The following SERPINB11 variants were observed in gnomAD, a reference collection of about 807,000 sequenced individuals.
The protein encoded by SERPINB11 is serpin B11.
SERPINB11 carries 32 observed loss-of-function variants against 36.7 expected under a neutral mutation model. That is an observed-to-expected ratio of 0.87 (90% CI 0.66 to 1.17). SERPINB11 has a LOEUF of 1.17. Ranked by LOEUF, SERPINB11 falls within the 50% of genes most tolerant of loss-of-function variation. The pLI is 0.00. For synonymous variants in SERPINB11, 174 were observed against 168.1 expected, an observed-to-expected ratio of 1.04 and a Z score of -0.27; for missense variants, 528 against 458.4, an observed-to-expected ratio of 1.15 and a Z score of -1.39.
At chr18:63,712,490 T>C (rs1914551397) in intron 3 of SERPINB11, 75 bp from the exon 4 acceptor site, 7 of 1,516,070 alleles carry the variant, frequency 4.6e-6, no homozygotes, top group African/African-American at 1.4e-5. Flanking sequence ...CACCTTGCTC[T>C]CTAGATAGTT....
rs2144554894 is a variant in SERPINB11 at position 63,723,543 on chromosome 18, C to A, written c.*144C>A. The A allele has an allele frequency of 1.5e-6, 1 of 684,748 alleles. No homozygotes were observed. The highest frequency in any genetic ancestry group is 2.6e-5 in the East Asian group (1 of 37,770). The allele number at this position is 684,748 out of a possible 1,614,324, so 42.4% of individuals were successfully genotyped here. A position where few individuals can be genotyped will look rare whatever the true frequency, so the allele number is the denominator to read the frequency against. On this transcript the variant is annotated 3_prime_UTR_variant, in exon 8 of 8. Coordinates refer to ENST00000544088, the MANE Select transcript of SERPINB11 (RefSeq NM_001370475.1). The stretch of plus-strand genomic sequence containing the variant: ...CTGCAAAATAGGTCTAGGATTTCTT[C>A]CAACCATTTCATGAGTTGTGAAGCT...
intron 1 of SERPINB11, 86 bp from the exon 2 acceptor site, chr18:63,710,093 A>AG: frequency 1.8e-6 from 2 of 1,115,338 alleles, no homozygotes; most frequent in Non-Finnish European, 2.5e-6. Context: ...CCTGATACTT[A>AG]AACTCATGAA....
intron 4 of SERPINB11, among the ~76,000 whole-genome samples, chr18:63,714,245 G>A (rs1225548507): frequency 2.0e-5 from 3 of 152,150 alleles, no homozygotes; most frequent in Non-Finnish European, 4.4e-5. Flanking sequence ...AGGGGAGGGA[G>A]TGTACGAATA....
intron 7 of SERPINB11, 126 bp from the exon 8 acceptor site, chr18:63,722,869 C>T (rs1936292643): frequency 2.2e-6 from 2 of 912,750 alleles, no homozygotes; most frequent in South Asian, 2.2e-5. Context: ...GGTAAGTAGA[C>T]TGTATTAAAG....
chr18:63,723,282 C>A lies in SERPINB11; in HGVS notation c.1062C>A (p.Ile354=). Residue 354 remains isoleucine, a synonymous_variant, in exon 8 of 8, where the codon ATC becomes ATA. Transcript: ENST00000544088. ...TEAAAATGDS[I]AVKSLPMRAQ... The stretch of plus-strand genomic sequence containing the variant: ...CAGCAGCAGCCACTGGGGACAGCAT[C>A]GCTGTAAAAAGCCTACCAATGAGAG... The A allele has an allele frequency of 6.2e-7, 1 of 1,613,948 alleles. No homozygotes were observed. The highest frequency in any genetic ancestry group is 2.2e-5 in the East Asian group (1 of 44,874).
At chr18:63,717,684 T>A (rs1169944266) in intron 5 of SERPINB11, among the ~76,000 whole-genome samples, 1 of 152,010 alleles carries the variant, frequency 6.6e-6, no homozygotes, top group Admixed American at 6.6e-5. Flanking sequence ...CCTGTAAGAA[T>A]GGTTTGTCTG....
intron 1 of SERPINB11, 139 bp from the exon 2 acceptor site, chr18:63,710,040 G>T: frequency 1.8e-6 from 1 of 549,712 alleles, no homozygotes; most frequent in Non-Finnish European, 3.0e-6. Context: ...TCATTTCTCA[G>T]AAATTGTGAT....
Position 63,710,180 on chromosome 18 carries a change from C to G in SERPINB11, c.-14C>G. ...GAATTTTTTCCCTTCTGTTCTCAGG[C>G]AGTCGGCATAAAAATGGGTTCTCTC... is the stretch of plus-strand genomic sequence containing the variant. On this transcript the variant is annotated splice_region_variant and 5_prime_UTR_variant, in exon 2 of 8. Coordinates refer to ENST00000544088, the MANE Select transcript of SERPINB11 (RefSeq NM_001370475.1). 1 of 1,598,054 alleles carries G rather than the reference C, an allele frequency of 6.3e-7. No individual in the cohort carries two copies. Among genetic ancestry groups the G allele is most frequent in the Non-Finnish European group, 8.5e-7 (1 of 1,172,340 alleles).
At chr18:63,710,091 T>C in intron 1 of SERPINB11, 88 bp from the exon 2 acceptor site, 1 of 1,107,786 alleles carries the variant, frequency 9.0e-7, no homozygotes, top group Non-Finnish European at 1.3e-6. Flanking sequence ...GCCCTGATAC[T>C]TAAACTCATG....
chr18:63,717,785 C>A (rs1198022131), intron 5 of SERPINB11, among the ~76,000 whole-genome samples: 3 of 151,798 alleles, frequency 2.0e-5, no homozygotes, highest in Non-Finnish European at 4.4e-5. Flanking sequence ...CTTATCTTTC[C>A]CATCTCTTAG....
chr18:63,714,550 A>G (rs1914616844), intron 4 of SERPINB11, among the ~76,000 whole-genome samples: 2 of 152,110 alleles, frequency 1.3e-5, no homozygotes, highest in South Asian at 4.1e-4. Flanking sequence ...GCCATTTCAG[A>G]GACCTCCCCC....
intron 7 of SERPINB11, among the ~76,000 whole-genome samples, 161 bp downstream of exon 7, chr18:63,721,147 C>T (rs1914803574): frequency 6.6e-6 from 1 of 152,214 alleles, no homozygotes; most frequent in Non-Finnish European, 1.5e-5. Flanking sequence ...CAGGGAGACA[C>T]ATGGCCTCTG....
In SERPINB11 at chr18:63,723,655, C is replaced by CTTCA; in HGVS notation, c.*256_*257insTTCA. On this transcript the variant is annotated 3_prime_UTR_variant, in exon 8 of 8. Transcript: ENST00000544088. ...CTGTGGTGTCTCATTTGAGTGCTGT[C>CTTCA]CAGTGACATGATCAAGTCAATGAGT... is the stretch of plus-strand genomic sequence containing the variant. The CTTCA allele has an allele frequency of 2.6e-6, 1 of 383,336 alleles. No individual in the cohort carries two copies. 23.7% of individuals were successfully genotyped at this position (383,336 alleles called of 1,614,324 possible).
intron 6 of SERPINB11, chr18:63,720,364 T>A: frequency 1.9e-6 from 1 of 539,184 alleles, no homozygotes. Context: ...CTTGGGATAC[T>A]AAGATTCTCT....
At chr18:63,705,430 T>C (rs1032861888) in intron 1 of SERPINB11, 3 of 152,192 alleles carry the variant, frequency 2.0e-5, no homozygotes, top group African/African-American at 7.2e-5. Context: ...GGAGCACATA[T>C]ACATAAAAGA....
Position 63,711,323 on chromosome 18 carries a change from T to C in SERPINB11, c.169-12T>C. ...TTCTGATGCCAAAAGATCCCTTTTTTTTCTTTTCTAGGTGCTTCATTTTAG... is the reference window on the plus strand; with the variant it reads ...TTCTGATGCCAAAAGATCCCTTTTTCTTCTTTTCTAGGTGCTTCATTTTAG... On this transcript the variant is annotated splice_polypyrimidine_tract_variant and intron_variant, in intron 2 of 7. Coordinates refer to ENST00000544088, the MANE Select transcript of SERPINB11 (RefSeq NM_001370475.1). The C allele has an allele frequency of 6.2e-7, 1 of 1,600,306 alleles. No individual in the cohort carries two copies. The highest frequency in any genetic ancestry group is 8.6e-7 in the Non-Finnish European group (1 of 1,169,188).
Position 63,703,478 on chromosome 18 carries a change from G to C in SERPINB11, c.-16+472G>C, listed in dbSNP as rs139678538. Among the ~76,000 whole-genome samples, 27 of 152,278 alleles carry C rather than the reference G, an allele frequency of 1.8e-4. No homozygotes were observed. The East Asian group carries it at 4.2e-3, about 24-fold the overall frequency. On this transcript the variant is annotated intron_variant, in intron 1 of 7. Transcript: ENST00000544088. ...TTAAAATTAGTCTCCTAAGTAATAT[G>C]TGTATTCTGTACATGCAGGTAAAAT...
At chr18:63,721,112 G>T in intron 7 of SERPINB11, 126 bp downstream of exon 7, 1 of 941,472 alleles carries the variant, frequency 1.1e-6, no homozygotes, top group Non-Finnish European at 1.6e-6. Flanking sequence ...GCCTTAGTAG[G>T]ATTGTCCCGG....
At chr18:63,705,021 A>G (rs1423839298) in intron 1 of SERPINB11, among the ~76,000 whole-genome samples, 3 of 152,228 alleles carry the variant, frequency 2.0e-5, no homozygotes, top group African/African-American at 7.2e-5. Context: ...ACATGGATGA[A>G]TCTTAAAAAT....
Sources: allele counts gnomAD v4.1 joint callset (sites outside exome capture counted in the v4.1 genomes callset), GRCh38; gene constraint gnomAD v4.1.1; transcripts MANE v1.5; gene names NCBI Gene and HGNC (gene_info 2026-07-23, HGNC 2026-07-21).